The following SIGLEC1 variants were observed in gnomAD, a reference collection of about 807,000 sequenced individuals.
SIGLEC1 encodes sialoadhesin.
Under a neutral mutation model 148.0 loss-of-function variants are expected in SIGLEC1, and 132 were observed. The observed-to-expected ratio is 0.89, with a 90% CI of 0.77 to 1.03. The LOEUF (loss-of-function observed/expected upper bound fraction) is 1.03, where lower values mean the gene tolerates loss of function less well. Among genes scored for constraint, SIGLEC1 ranks in the 50% least tolerant of loss-of-function variants. The probability of loss-of-function intolerance (pLI) is 0.00; values close to 1 mark genes in which losing one functional copy is unlikely to be tolerated. For synonymous variants in SIGLEC1, 945 were observed against 969.0 expected, an observed-to-expected ratio of 0.98 and a Z score of 0.46; for missense variants, 2,253 against 2,271.4, an observed-to-expected ratio of 0.99 and a Z score of 0.16.
chr20:3,708,234 G>A (rs1182543781), intron 1 of SIGLEC1, among the ~76,000 whole-genome samples: 1 of 152,190 alleles, frequency 6.6e-6, no homozygotes, highest in African/African-American at 2.4e-5. Context: ...TGTGCGGAGT[G>A]TACCATATCC....
intron 20 of SIGLEC1, 65 bp from the exon 21 acceptor site, chr20:3,689,292 C>T (rs2088730991): frequency 7.2e-7 from 1 of 1,383,346 alleles, no homozygotes; most frequent in Non-Finnish European, 1.0e-6. Context: ...CATTCCTCTC[C>T]CGCTCCCCAC....
chr20:3,689,150 G>GA lies in SIGLEC1; in HGVS notation c.5070+4dup. The stretch of plus-strand genomic sequence containing the variant: ...TATATCTGCCCGTGTGTGTTGAATG[G>GA]ATACCTGCGTGGTCTCTTTCTGAAA... On this transcript the variant is annotated splice_donor_region_variant and intron_variant, in intron 21 of 21. Transcript: ENST00000344754. 1 of 1,612,646 alleles carries GA rather than the reference G, an allele frequency of 6.2e-7. No homozygotes were observed.
chr20:3,688,666 G>A (rs1225618950), intron 21 of SIGLEC1, 47 bp from the exon 22 acceptor site: 2 of 1,488,866 alleles, frequency 1.3e-6, no homozygotes, highest in South Asian at 1.3e-5. Flanking sequence ...TGGGAGCCAG[G>A]GCAGGCCCCC....
intron 4 of SIGLEC1, 125 bp from the exon 5 acceptor site, chr20:3,704,216 C>T: frequency 1.1e-6 from 1 of 883,430 alleles, no homozygotes; most frequent in East Asian, 2.5e-5. Flanking sequence ...CAGCAGTCCC[C>T]TTCAATCCTC....
rs779570106 is a variant in SIGLEC1 at position 3,697,802 on chromosome 20, G to A, written c.2118C>T (p.Gly706=). ...CCCATTCCCTGCCTGACTCACCCTG[G>A]CCATTGAAGGTGGCTGAGGTGGAGG... ...GNASTSATFN[G]QATVLAIAPS... The change falls in exon 9 of 22, where the codon GGC becomes GGT. Residue 706 remains glycine (G), a synonymous_variant. Coordinates refer to ENST00000344754, the MANE Select transcript of SIGLEC1 (RefSeq NM_023068.4). 6.2e-7 allele frequency: 1 copy of A among 1,612,362 alleles called. No individual in the cohort carries two copies. Among genetic ancestry groups the A allele is most frequent in the Non-Finnish European group, 8.5e-7 (1 of 1,179,802 alleles).
intron 18 of SIGLEC1, 24 bp downstream of exon 18, chr20:3,691,316 G>A: frequency 1.2e-6 from 2 of 1,611,762 alleles, no homozygotes; most frequent in Non-Finnish European, 1.7e-6. Flanking sequence ...GGAGACTAAG[G>A]CGGAGGAGGG....
rs909790369 is a variant in SIGLEC1, at chr20:3,710,500, C to T, written c.-110+1970G>A. On this transcript the variant is annotated intron_variant, in intron 1 of 21. Transcript: ENST00000344754. The surrounding 1 kb of genome is among the most constrained non-coding windows in gnomAD (Gnocchi z 4.6). ...TCCTCCTCTTCTGGGAAGATGCACC[C>T]CCAGCCTCCACACCAGGTTCTTGGC... Among the ~76,000 whole-genome samples, 2 of 152,188 alleles carry T rather than the reference C, an allele frequency of 1.3e-5. No homozygotes were observed. The highest frequency in any genetic ancestry group is 2.9e-5 in the Non-Finnish European group (2 of 68,022).
In SIGLEC1 at chr20:3,694,257, C is replaced by G; in HGVS notation, c.3220G>C (p.Gly1074Arg). Residue 1074 changes from glycine to arginine, a missense_variant, in exon 13 of 22, where the codon GGC becomes CGC. Physicochemically the swap from Gly to Arg is moderately radical, Grantham distance 125 (BLOSUM62 -2). Transcript: ENST00000344754. The part of the protein sequence containing the change: ...VYICEASNTL[G>R]QASASADFDA... ...AAGTCAGCTGAGGCCGAGGCCTGGC[C>G]CAGGGTGTTGGAGGCCTCACAGATA... 6.2e-7 allele frequency: 1 copy of G among 1,612,424 alleles called. No individual in the cohort carries two copies. Among genetic ancestry groups the G allele is most frequent in the Non-Finnish European group, 8.5e-7 (1 of 1,179,776 alleles).
At chr20:3,704,129 G>A in intron 4 of SIGLEC1, 38 bp from the exon 5 acceptor site, 1 of 1,584,030 alleles carries the variant, frequency 6.3e-7, no homozygotes, top group South Asian at 1.1e-5. Flanking sequence ...TAAGGTGCTT[G>A]GGGAGGGCAG....
chr20:3,702,086 C>T (rs1282529960), intron 6 of SIGLEC1, among the ~76,000 whole-genome samples: 1 of 152,104 alleles, frequency 6.6e-6, no homozygotes. Context: ...CTCCTCAGAA[C>T]AGCAGGCCTG....
rs140311277 is a variant in SIGLEC1, at chr20:3,706,506, G to C, written c.250C>G (p.Arg84Gly). The change falls in exon 3 of 22, where the codon CGC becomes GGC. Residue 84 changes from arginine (R) to glycine (G), a missense_variant. By Grantham distance (125) the Arg-to-Gly change is moderately radical. Transcript: ENST00000344754. ...ADPKLVEARF[R>G]GRTEFMGNPE... ...TTCCCCATGAACTCGGTGCGGCCGCGGAAGCGGGCCTCCACCAGCTTGGGG... is the reference window on the plus strand; with the variant it reads ...TTCCCCATGAACTCGGTGCGGCCGCCGAAGCGGGCCTCCACCAGCTTGGGG... The C allele has an allele frequency of 1.9e-6, 3 of 1,613,538 alleles. No individual in the cohort carries two copies. The South Asian group carries it at 3.3e-5, about 18-fold the overall frequency.
At position 3,703,434 on chromosome 20, in the gene SIGLEC1, T is replaced by C. The variant is rs746866036; in HGVS notation, c.991A>G (p.Ser331Gly). The C allele has an allele frequency of 1.8e-5, 29 of 1,575,958 alleles. No individual in the cohort carries two copies. The highest frequency in any genetic ancestry group is 2.4e-5 in the Non-Finnish European group (28 of 1,158,706). Reference sequence around the variant, plus strand: ...TTCTCCAGGATGGGACCTGCTGGGCTCACCTGGACCTCAGCCACTGCAAGG... The same window carrying C: ...TTCTCCAGGATGGGACCTGCTGGGCCCACCTGGACCTCAGCCACTGCAAGG... ...LHIFMAEVQV[S>G]PAGPILENQT... Residue 331 changes from serine (S) to glycine (G), a missense_variant, in exon 6 of 22, where the codon AGC becomes GGC. Ser to Gly is a moderately conservative substitution (Grantham distance 56, BLOSUM62 0). Coordinates refer to ENST00000344754, the MANE Select transcript of SIGLEC1 (RefSeq NM_023068.4).
chr20:3,688,742 T>C, intron 21 of SIGLEC1, 123 bp from the exon 22 acceptor site: 1 of 719,068 alleles, frequency 1.4e-6, no homozygotes, highest in South Asian at 1.9e-5. Context: ...GAAGTGTGAC[T>C]TGGAGCCCTG....
In SIGLEC1 at chr20:3,693,633, G is replaced by T; in HGVS notation, c.3322C>A (p.Leu1108Ile). ...TGGGCCGGGTGAGTGGTCCACACAA[G>T]GCAGGTCAGGTTCACCAGCTGCCCC... ...REGQLVNLTC[L>I]VWTTHPAQLT... Residue 1108 changes from leucine (L) to isoleucine (I), a missense_variant, in exon 14 of 22, where the codon CTT becomes ATT. Coordinates refer to ENST00000344754, the MANE Select transcript of SIGLEC1 (RefSeq NM_023068.4). 1 of 1,611,922 alleles carries T rather than the reference G, an allele frequency of 6.2e-7. No homozygotes were observed. The highest frequency in any genetic ancestry group is 8.5e-7 in the Non-Finnish European group (1 of 1,179,194).
intron 6 of SIGLEC1, 189 bp downstream of exon 6, chr20:3,703,008 T>C: frequency 1.7e-6 from 1 of 600,860 alleles, no homozygotes; most frequent in Non-Finnish European, 2.9e-6. Flanking sequence ...AACTTCCAAA[T>C]ATAAAATAGG....
chr20:3,694,427 A>T lies in SIGLEC1; in HGVS notation c.3050T>A (p.Leu1017Gln). 6.2e-7 allele frequency: 1 copy of T among 1,611,840 alleles called. No individual in the cohort carries two copies. Among genetic ancestry groups the T allele is most frequent in the Non-Finnish European group, 8.5e-7 (1 of 1,178,714 alleles). ...GGCCACAAGGCGATCCCCGTGGAGC[A>T]GCCGCAGCTGGGCCGGAGGGTCACT... Reference protein sequence around the residue: ...VDSDPPAQLRLLHGDRLVAST... With the variant: ...VDSDPPAQLRQLHGDRLVAST... Residue 1017 changes from leucine (L) to glutamine (Q), a missense_variant, in exon 13 of 22, where the codon CTG becomes CAG. By Grantham distance (113) the Leu-to-Gln change is moderately radical. Transcript: ENST00000344754.
chr20:3,699,152 G>A (rs777904772), intron 8 of SIGLEC1, 50 bp downstream of exon 8: 4 of 1,589,142 alleles, frequency 2.5e-6, no homozygotes, highest in Non-Finnish European at 3.4e-6. Context: ...GAGGAGGTGG[G>A]GTGGCTGGTG....
chr20:3,688,090 G>T lies in SIGLEC1; in HGVS notation c.*470C>A, dbSNP rs974682693. ...AAACCATCGTAACAGCCAGACTAGCGTGGGAGAGAAAAATAAAATTCTATC... is the reference window on the plus strand; with the variant it reads ...AAACCATCGTAACAGCCAGACTAGCTTGGGAGAGAAAAATAAAATTCTATC... On this transcript the variant is annotated 3_prime_UTR_variant, in exon 22 of 22. Coordinates refer to ENST00000344754, the MANE Select transcript of SIGLEC1 (RefSeq NM_023068.4). 6.3e-5 allele frequency: 12 copies of T among 191,112 alleles called. 1 individual carries two copies. In the Admixed American group the frequency reaches 6.4e-4, roughly 10 times the overall value. The allele number at this position is 191,112 out of a possible 1,614,324, so 11.8% of individuals were successfully genotyped here.
rs139666944 is a variant in SIGLEC1, at chr20:3,699,457, C to A, written c.1531G>T (p.Ala511Ser). 2 of 1,607,496 alleles carry A rather than the reference C, an allele frequency of 1.2e-6. No individual in the cohort carries two copies. The highest frequency in any genetic ancestry group is 8.5e-7 in the Non-Finnish European group (1 of 1,177,746). The change falls in exon 8 of 22, where the codon GCC (alanine) becomes TCC (serine). Residue 511 changes from alanine (A) to serine (S), a missense_variant and splice_region_variant. Coordinates refer to ENST00000344754, the MANE Select transcript of SIGLEC1 (RefSeq NM_023068.4). ...TSTLDFHANA[A>S]RLLISPAAEV... ...GCTGCCGGGCTGATGAGGAGACGGGCGGCTGCGGGGAGAGGAAGAGGCTGG... is the reference window on the plus strand; with the variant it reads ...GCTGCCGGGCTGATGAGGAGACGGGAGGCTGCGGGGAGAGGAAGAGGCTGG...
Sources: gnomAD v4.1 joint callset for allele counts (sites outside exome capture counted in the v4.1 genomes callset) on GRCh38, gnomAD v4.1.1 for gene constraint, Gnocchi (gnomAD v3.1) non-coding constraint, MANE v1.5 for transcripts, NCBI Gene and HGNC (gene_info 2026-07-23, HGNC 2026-07-21) for gene names.